ERBB4: variants seen among roughly 807,000 people sequenced by gnomAD.
ERBB4 encodes erb-b2 receptor tyrosine kinase 4.
ERBB4 carries 42 observed loss-of-function variants against 158.0 expected under a neutral mutation model. That is an observed-to-expected ratio of 0.27 (90% CI 0.21 to 0.34). ERBB4 has a LOEUF of 0.34. Ranked by LOEUF, ERBB4 falls within the 10% of genes least tolerant of loss-of-function variation. ERBB4 has a pLI of 1.00. For synonymous variants in ERBB4, 583 were observed against 558.7 expected (o/e 1.04, Z -0.61); for missense variants, 1,333 against 1,624.1 (o/e 0.82, Z 3.08).
chr2:211,619,104 G>C, intron 19 of ERBB4, 73 bp downstream of exon 19: 1 of 904,704 alleles, frequency 1.1e-6, no homozygotes. Context: ...GTTTGGTTTT[G>C]TTTTGCTTTA....
At chr2:211,652,074 T>C (rs541925929) in intron 16 of ERBB4, among the ~76,000 whole-genome samples, 13 of 152,330 alleles carry the variant, frequency 8.5e-5, no homozygotes, top group African/African-American at 2.9e-4. Flanking sequence ...AGCATTTTGC[T>C]ATCAAGGTAA....
intron 1 of ERBB4, among the ~76,000 whole-genome samples, chr2:212,171,293 A>G (rs942225299): frequency 1.3e-5 from 2 of 148,978 alleles, no homozygotes; most frequent in African/African-American, 2.5e-5. Context: ...CAATGCCCAT[A>G]CCCCCATTGT....
intron 15 of ERBB4, among the ~76,000 whole-genome samples, chr2:211,659,592 C>T (rs1280152804): frequency 6.6e-6 from 1 of 151,804 alleles, no homozygotes; most frequent in Non-Finnish European, 1.5e-5. Flanking sequence ...AAAGCTATGG[C>T]TAGTTTGCAA....
intron 2 of ERBB4, among the ~76,000 whole-genome samples, chr2:212,018,003 A>G (rs1487123255): frequency 1.3e-5 from 2 of 152,184 alleles, no homozygotes; most frequent in Admixed American, 1.3e-4. Context: ...GGAGATCAAC[A>G]TTATACTTAG....
intron 2 of ERBB4, among the ~76,000 whole-genome samples, chr2:212,043,487 C>T (rs1369851768): frequency 6.6e-6 from 1 of 152,002 alleles, no homozygotes; most frequent in Non-Finnish European, 1.5e-5. Flanking sequence ...TATTAAAGTG[C>T]AAAAGGTATC....
intron 3 of ERBB4, among the ~76,000 whole-genome samples, chr2:211,825,946 T>C (rs2077092285): frequency 6.7e-6 from 1 of 149,392 alleles, no homozygotes; most frequent in Non-Finnish European, 1.5e-5. Flanking sequence ...TAGGAAAAAA[T>C]CTCTTAAGAT....
At position 211,673,517 on chromosome 2, in the gene ERBB4, CA is replaced by C. The variant is rs71054125; in HGVS notation, c.1623-261del. On this transcript the variant is annotated intron_variant, in intron 13 of 27. Transcript: ENST00000342788. Reference sequence around the variant, plus strand: ...CCTGCAAGACATATTCCAGCAATCTCAAAAAAAAAAAAAGCTACAAAGTATA... The same window carrying C: ...CCTGCAAGACATATTCCAGCAATCTCAAAAAAAAAAAAGCTACAAAGTATA... 3.6e-3 allele frequency among the ~76,000 whole-genome samples: 194 copies of C among 54,022 alleles called. 5 individuals carry two copies. The highest frequency in any genetic ancestry group is 0.011 in the East Asian group (49 of 4,350). The allele number at this position is 54,022 out of a possible 152,430, so 35.4% of individuals were successfully genotyped here.
At chr2:212,384,715 C>G (rs2090616749) in intron 1 of ERBB4, among the ~76,000 whole-genome samples, 1 of 151,340 alleles carries the variant, frequency 6.6e-6, no homozygotes, top group East Asian at 1.9e-4. Flanking sequence ...TTACAGCATT[C>G]ATTTTCACCA....
chr2:212,214,197 G>A lies in ERBB4; in HGVS notation c.83-89294C>T, dbSNP rs543380420. The stretch of plus-strand genomic sequence containing the variant: ...ATTTTTTAAAGCTACTTAATAGAAT[G>A]ATTCAATACATCTTCCTGTGATAAT... On this transcript the variant is annotated intron_variant, in intron 1 of 27. Transcript: ENST00000342788. Among the ~76,000 whole-genome samples, 3 of 151,904 alleles carry A rather than the reference G, an allele frequency of 2.0e-5. No individual in the cohort carries two copies. The East Asian group carries it at 5.8e-4, about 29-fold the overall frequency.
chr2:212,032,124 C>A (rs1449603884), intron 2 of ERBB4, among the ~76,000 whole-genome samples: 1 of 152,100 alleles, frequency 6.6e-6, no homozygotes, highest in African/African-American at 2.4e-5. Flanking sequence ...CATGCCATTT[C>A]ATATGCAATG....
chr2:211,665,611 A>G, intron 14 of ERBB4, 134 bp from the exon 15 acceptor site: 1 of 828,264 alleles, frequency 1.2e-6, no homozygotes, highest in Non-Finnish European at 2.0e-6. Flanking sequence ...GAACATTTTC[A>G]GCAGTGCAAA....
At chr2:211,489,533 A>T (rs546628146) in intron 20 of ERBB4, among the ~76,000 whole-genome samples, 2 of 152,168 alleles carry the variant, frequency 1.3e-5, no homozygotes, top group Non-Finnish European at 2.9e-5. Flanking sequence ...GTTGCCTTGT[A>T]TTAATAGCTA....
At chr2:211,475,674 G>T (rs935178119) in intron 20 of ERBB4, among the ~76,000 whole-genome samples, 1 of 152,028 alleles carries the variant, frequency 6.6e-6, no homozygotes, top group Non-Finnish European at 1.5e-5. Flanking sequence ...CAAGAGGGCA[G>T]AATAATATTA....
chr2:211,487,666 A>G (rs1341067027), intron 20 of ERBB4, among the ~76,000 whole-genome samples: 1 of 152,036 alleles, frequency 6.6e-6, no homozygotes, highest in Non-Finnish European at 1.5e-5. Context: ...CTTTATCCCC[A>G]CTGGTAAAGT....
chr2:211,579,558 T>C (rs1475931900), intron 19 of ERBB4, among the ~76,000 whole-genome samples: 1 of 152,072 alleles, frequency 6.6e-6, no homozygotes, highest in Non-Finnish European at 1.5e-5. Context: ...CAAATGCCTA[T>C]CAATGATAGA....
At chr2:211,513,274 C>A (rs1487067301) in intron 20 of ERBB4, among the ~76,000 whole-genome samples, 1 of 149,374 alleles carries the variant, frequency 6.7e-6, no homozygotes, top group Non-Finnish European at 1.5e-5. Flanking sequence ...TGGCGTGAAC[C>A]CGGGAAGCGG....
intron 20 of ERBB4, among the ~76,000 whole-genome samples, chr2:211,529,050 A>G (rs944389344): frequency 1.3e-5 from 2 of 151,888 alleles, no homozygotes; most frequent in African/African-American, 4.8e-5. Flanking sequence ...AAAGATCAAC[A>G]GAACAAAAAG....
chr2:212,422,784 G>A (rs907494631), intron 1 of ERBB4, among the ~76,000 whole-genome samples: 1 of 152,120 alleles, frequency 6.6e-6, no homozygotes, highest in South Asian at 2.1e-4. Flanking sequence ...GGTAAGAGAT[G>A]AGTTACCAAG....
At chr2:212,355,554 T>C (rs971289274) in intron 1 of ERBB4, among the ~76,000 whole-genome samples, 2 of 152,064 alleles carry the variant, frequency 1.3e-5, no homozygotes. Flanking sequence ...CTTTAAGGCA[T>C]AGCAAGGCTG....
Sources: gnomAD v4.1 joint callset for allele counts (sites outside exome capture counted in the v4.1 genomes callset) on GRCh38, gnomAD v4.1.1 for gene constraint, MANE v1.5 for transcripts, NCBI Gene and HGNC (gene_info 2026-07-23, HGNC 2026-07-21) for gene names.